SPMIP9: variants seen among roughly 807,000 people sequenced by gnomAD.
The protein encoded by SPMIP9 is protein SPMIP9.
At chr2:88,529,079 G>A in the SPMIP9 span, 12 of 1,613,592 alleles carry the variant, frequency 7.4e-6, no homozygotes, top group Middle Eastern at 8.3e-4. Flanking sequence ...TCAACTCCGG[G>A]ACAAAGAGTT....
the SPMIP9 span, chr2:88,529,477 A>G: frequency 1.9e-6 from 3 of 1,608,524 alleles, no homozygotes; most frequent in Non-Finnish European, 2.5e-6. Context: ...ACCAGTAGGA[A>G]GGATGAAAAT....
the SPMIP9 span, chr2:88,529,051 G>C: frequency 6.2e-7 from 1 of 1,607,458 alleles, no homozygotes; most frequent in South Asian, 1.1e-5. Context: ...TGTTTCCACA[G>C]CAGGCAAAGC....
At chr2:88,525,633 A>T in the SPMIP9 span, 2 of 1,614,116 alleles carry the variant, frequency 1.2e-6, no homozygotes, top group East Asian at 2.2e-5. Flanking sequence ...GTCTGTGTCT[A>T]GGTCGTTTGC....
chr2:88,529,185 G>T, the SPMIP9 span: 1 of 1,614,158 alleles, frequency 6.2e-7, no homozygotes, highest in Non-Finnish European at 8.5e-7. Flanking sequence ...GGACTCCCCG[G>T]CTTCTTCCCA....
the SPMIP9 span, among the ~76,000 whole-genome samples, chr2:88,525,853 T>G: frequency 6.6e-6 from 1 of 151,790 alleles, no homozygotes; most frequent in Non-Finnish European, 1.5e-5. Context: ...TTCTTTATAA[T>G]TTTCTGGGGG....
At chr2:88,528,808 G>A in the SPMIP9 span, among the ~76,000 whole-genome samples, 12 of 152,334 alleles carry the variant, frequency 7.9e-5, no homozygotes, top group Non-Finnish European at 1.8e-4. Context: ...AGCACTGATA[G>A]CAGTGGTTGT....
At chr2:88,527,870 A>G in the SPMIP9 span, among the ~76,000 whole-genome samples, 1 of 152,212 alleles carries the variant, frequency 6.6e-6, no homozygotes, top group Non-Finnish European at 1.5e-5. Context: ...AGCAGGAGAC[A>G]GTTACTTCTG....
the SPMIP9 span, chr2:88,529,113 A>G: frequency 4.3e-6 from 7 of 1,613,804 alleles, no homozygotes; most frequent in South Asian, 3.3e-5. Flanking sequence ...CCTAACCCCA[A>G]CCCCAAGCTA....
chr2:88,527,160 C>T, the SPMIP9 span, among the ~76,000 whole-genome samples: 2 of 152,074 alleles, frequency 1.3e-5, no homozygotes, highest in African/African-American at 2.4e-5. Flanking sequence ...CTCCCATCTC[C>T]AGAAGTGGTT....
the SPMIP9 span, chr2:88,526,601 C>T: frequency 1.1e-5 from 9 of 817,928 alleles, no homozygotes; most frequent in Non-Finnish European, 1.9e-5. Flanking sequence ...CTTGTTAGAA[C>T]AATATCCAAT....
At chr2:88,525,625 C>CT in the SPMIP9 span, 2 of 1,614,098 alleles carry the variant, frequency 1.2e-6, no homozygotes, top group South Asian at 2.2e-5. Flanking sequence ...AACAACTTGT[C>CT]TGTGTCTAGG....
chr2:88,529,058 A>AAGCTCGAT, the SPMIP9 span: 1 of 1,610,326 alleles, frequency 6.2e-7, no homozygotes, highest in Non-Finnish European at 8.5e-7. Flanking sequence ...ACAGCAGGCA[A>AAGCTCGAT]AGCTCGATGC....
chr2:88,526,440 C>T, the SPMIP9 span: 1 of 1,614,144 alleles, frequency 6.2e-7, no homozygotes, highest in Non-Finnish European at 8.5e-7. Flanking sequence ...AAAGCTCCCA[C>T]ATGGTCGACT....
the SPMIP9 span, among the ~76,000 whole-genome samples, chr2:88,525,091 G>C: frequency 6.6e-6 from 1 of 152,114 alleles, no homozygotes; most frequent in Non-Finnish European, 1.5e-5. Context: ...TGAGTCCTAG[G>C]CCTGGGCCTT....
the SPMIP9 span, among the ~76,000 whole-genome samples, chr2:88,528,847 A>G: frequency 1.3e-5 from 2 of 152,236 alleles, no homozygotes; most frequent in African/African-American, 4.8e-5. Context: ...AGGGAGGAGG[A>G]GAGTGGGAAA....
chr2:88,525,547 C>T, the SPMIP9 span: 1 of 1,419,072 alleles, frequency 7.0e-7, no homozygotes, highest in Non-Finnish European at 1.0e-6. Context: ...AAAGCTGGGG[C>T]AGCCATGCTT....
chr2:88,528,172 C>T, the SPMIP9 span, among the ~76,000 whole-genome samples: 1 of 143,348 alleles, frequency 7.0e-6, no homozygotes, highest in African/African-American at 2.6e-5. Context: ...GAGTCTGGCT[C>T]TGTTGCCCAG....
At chr2:88,525,522 G>A in the SPMIP9 span, 11 of 1,064,740 alleles carry the variant, frequency 1.0e-5, no homozygotes, top group Non-Finnish European at 1.5e-5. Context: ...GGAAGATGGG[G>A]AGGAGTGGGC....
At chr2:88,526,575 T>C in the SPMIP9 span, 1 of 1,129,458 alleles carries the variant, frequency 8.9e-7, no homozygotes, top group Non-Finnish European at 1.3e-6. Context: ...GTATTACAAA[T>C]GTGGACATTT....
Sources: allele counts gnomAD v4.1 joint callset (sites outside exome capture counted in the v4.1 genomes callset), GRCh38; gene constraint gnomAD v4.1.1; transcripts MANE v1.5; gene names NCBI Gene and HGNC (gene_info 2026-07-23, HGNC 2026-07-21).